The following ZC3H18 variants were observed in gnomAD, a reference collection of about 807,000 sequenced individuals.
ZC3H18 encodes zinc finger CCCH domain-containing protein 18.
A neutral mutation model predicts 106.1 loss-of-function variants in ZC3H18; 8 were observed. The ratio of observed to expected loss-of-function variants is 0.08; its 90% CI spans 0.04 to 0.14. The LOEUF is 0.14. ZC3H18 is among the 10% of genes least tolerant of loss of function. ZC3H18 has a pLI of 1.00. For synonymous variants in ZC3H18, 635 were observed against 522.1 expected, an observed-to-expected ratio of 1.22 and a Z score of -2.95; for missense variants, 1,318 against 1,278.4, an observed-to-expected ratio of 1.03 and a Z score of -0.47.
chr16:88,597,970 A>G (rs1479217802), intron 3 of ZC3H18, among the ~76,000 whole-genome samples: 1 of 152,160 alleles, frequency 6.6e-6, no homozygotes, highest in East Asian at 1.9e-4. Flanking sequence ...CCTCTGGGGA[A>G]CTGCCGTGCC....
intron 8 of ZC3H18, among the ~76,000 whole-genome samples, chr16:88,616,556 C>T (rs1207983714): frequency 6.6e-6 from 1 of 152,180 alleles, no homozygotes; most frequent in Non-Finnish European, 1.5e-5. Flanking sequence ...AAGGGTTTCC[C>T]CAGCGCAGAA....
At chr16:88,628,508 T>C (rs909889415) in intron 15 of ZC3H18, 11 of 550,810 alleles carry the variant, frequency 2.0e-5, no homozygotes, top group Non-Finnish European at 3.3e-5. Flanking sequence ...CCTCCTAGAG[T>C]GGCCCCCGTG....
Position 88,631,472 on chromosome 16 carries a change from C to T in ZC3H18, c.*173C>T. Reference sequence around the variant, plus strand: ...CAGGAAATGACAACGACGCTGAATCCCAGCCTCCCTCCCCAGAGCAGAAGT... The same window carrying T: ...CAGGAAATGACAACGACGCTGAATCTCAGCCTCCCTCCCCAGAGCAGAAGT... On this transcript the variant is annotated 3_prime_UTR_variant, in exon 18 of 18. Transcript: ENST00000301011. The T allele has an allele frequency of 1.2e-6, 1 of 856,338 alleles. No individual in the cohort carries two copies. The highest frequency in any genetic ancestry group is 2.7e-5 in the East Asian group (1 of 37,224). The allele number at this position is 856,338 out of a possible 1,614,324, so 53.0% of individuals were successfully genotyped here. A position where few individuals can be genotyped will look rare whatever the true frequency, so the allele number is the denominator to read the frequency against.
At chr16:88,610,490 G>T (rs918996880) in intron 7 of ZC3H18, among the ~76,000 whole-genome samples, 1 of 152,190 alleles carries the variant, frequency 6.6e-6, no homozygotes, top group Admixed American at 6.5e-5. Flanking sequence ...TACCCTGGAA[G>T]GTGGGAGAAA....
intron 3 of ZC3H18, among the ~76,000 whole-genome samples, chr16:88,587,986 C>T (rs1266381557): frequency 6.6e-6 from 1 of 152,184 alleles, no homozygotes; most frequent in Non-Finnish European, 1.5e-5. Flanking sequence ...AGTTGACGTG[C>T]CCAAGTCACA....
At chr16:88,597,658 G>C (rs1904509878) in intron 3 of ZC3H18, among the ~76,000 whole-genome samples, 1 of 152,216 alleles carries the variant, frequency 6.6e-6, no homozygotes, top group African/African-American at 2.4e-5. Flanking sequence ...TTCAGTTCCA[G>C]AAATATCTTG....
At position 88,631,204 on chromosome 16, in the gene ZC3H18, A is replaced by G. The variant is rs1906671948; in HGVS notation, c.2767A>G (p.Ser923Gly). 2 of 1,613,708 alleles carry G rather than the reference A, an allele frequency of 1.2e-6. No homozygotes were observed. The highest frequency in any genetic ancestry group is 1.3e-5 in the African/African-American group (1 of 74,892). Residue 923 changes from serine to glycine, a missense_variant, in exon 18 of 18, where the codon AGC (serine) becomes GGC (glycine). By Grantham distance (56) the Ser-to-Gly change is moderately conservative (BLOSUM62 0). Coordinates refer to ENST00000301011, the MANE Select transcript of ZC3H18 (RefSeq NM_144604.4). ...GAASTKSGKASTLSRREELLK... is the reference protein window; with the variant it reads ...GAASTKSGKAGTLSRREELLK... ...CGCCAGCACCAAATCAGGGAAGGCC[A>G]GCACGCTGTCTCGGCGGGAGGAGCT... is the stretch of plus-strand genomic sequence containing the variant.
At chr16:88,609,083 T>G in intron 7 of ZC3H18, 32 bp downstream of exon 7, 1 of 1,524,098 alleles carries the variant, frequency 6.6e-7, no homozygotes, top group Non-Finnish European at 9.1e-7. Flanking sequence ...ACATATGAAC[T>G]TCATGATCTG....
intron 8 of ZC3H18, among the ~76,000 whole-genome samples, chr16:88,612,182 A>G (rs1478607946): frequency 6.6e-6 from 1 of 152,216 alleles, no homozygotes; most frequent in East Asian, 1.9e-4. Context: ...CTTGACTGTT[A>G]GAGCAGAATG....
rs1047309750 is a variant in ZC3H18 at position 88,625,078 on chromosome 16, C to G, written c.2043-124C>G. The G allele has an allele frequency of 1.3e-5, 15 of 1,159,980 alleles. No homozygotes were observed. In the African/African-American group the frequency reaches 2.0e-4, roughly 15 times the overall value. The allele number at this position is 1,159,980 out of a possible 1,614,324, so 71.9% of individuals were successfully genotyped here. A position where few individuals can be genotyped will look rare whatever the true frequency, so the allele number is the denominator to read the frequency against. On this transcript the variant is annotated intron_variant, in intron 12 of 17. Coordinates refer to ENST00000301011, the MANE Select transcript of ZC3H18 (RefSeq NM_144604.4). ...GCCTAAAGGAAGACAGGCCCAGGCC[C>G]TGTTCCAAGGTGGTAGCAAGGCCAG...
chr16:88,598,566 C>T, intron 4 of ZC3H18, 54 bp from the exon 5 acceptor site: 1 of 1,545,090 alleles, frequency 6.5e-7, no homozygotes, highest in South Asian at 1.2e-5. Flanking sequence ...TCTGGTTTCT[C>T]TGTACACTTG....
chr16:88,622,699 G>T (rs1906040308), intron 9 of ZC3H18: 1 of 373,292 alleles, frequency 2.7e-6, no homozygotes. Flanking sequence ...CAGACCTGGG[G>T]CCCAGTGAGT....
At chr16:88,606,057 G>A (rs531054785) in intron 6 of ZC3H18, among the ~76,000 whole-genome samples, 94 of 152,318 alleles carry the variant, frequency 6.2e-4, no homozygotes, top group East Asian at 2.7e-3. Context: ...AACGAGGTGC[G>A]AGCCTCCCAG....
intron 1 of ZC3H18, among the ~76,000 whole-genome samples, chr16:88,574,667 ATTT>A (rs35816940): frequency 1.0e-4 from 8 of 79,858 alleles, no homozygotes; most frequent in Non-Finnish European, 1.6e-4. Context: ...CACCCAGCTA[ATTT>A]TTTTTTTTTT....
chr16:88,587,592 C>A, intron 3 of ZC3H18: 1 of 1,536,038 alleles, frequency 6.5e-7, no homozygotes, highest in Non-Finnish European at 8.7e-7. Flanking sequence ...CAATTCCATA[C>A]CATTCAGAGG....
At chr16:88,628,724 C>T (rs1014505620) in intron 15 of ZC3H18, 34 bp from the exon 16 acceptor site, 1 of 1,611,284 alleles carries the variant, frequency 6.2e-7, no homozygotes, top group Non-Finnish European at 8.5e-7. Context: ...GGCTCCTGGC[C>T]CTGCTGTCCT....
At chr16:88,617,716 C>T (rs1905710031) in intron 8 of ZC3H18, among the ~76,000 whole-genome samples, 2 of 152,350 alleles carry the variant, frequency 1.3e-5, no homozygotes, top group East Asian at 1.9e-4. Flanking sequence ...TGGAAGCACT[C>T]GCCCCCCAGC....
intron 6 of ZC3H18, among the ~76,000 whole-genome samples, chr16:88,603,448 C>CCGTCT (rs2142708161): frequency 6.6e-6 from 1 of 151,250 alleles, no homozygotes; most frequent in Admixed American, 6.6e-5. Context: ...CGGTGAAACC[C>CCGTCT]CATCTCTACT....
rs750724166 is a variant in ZC3H18, at chr16:88,628,050, A to AC, written c.2406dup (p.Gly803ArgfsTer21). On this transcript the variant is annotated frameshift_variant, in exon 15 of 18. Transcript: ENST00000301011. LOFTEE classifies it high-confidence loss of function. ...AGCAGCCCTCGACACCCCAGCAGGC[A>AC]CCCCCCGGGCAGCCCCAGCAGGGCA... The AC allele has an allele frequency of 1.2e-6, 2 of 1,613,910 alleles. No individual in the cohort carries two copies. The highest frequency in any genetic ancestry group is 8.5e-7 in the Non-Finnish European group (1 of 1,179,972).
Sources: allele counts gnomAD v4.1 joint callset (sites outside exome capture counted in the v4.1 genomes callset), GRCh38; gene constraint gnomAD v4.1.1; transcripts MANE v1.5; gene names NCBI Gene and HGNC (gene_info 2026-07-23, HGNC 2026-07-21).